The following CACNA2D3 variants were observed in gnomAD, a reference collection of about 807,000 sequenced individuals.
CACNA2D3 encodes voltage-dependent calcium channel subunit alpha-2/delta-3.
In CACNA2D3, 60 loss-of-function variants were observed where a neutral mutation model predicts 160.6. The observed-to-expected ratio is 0.37, with a 90% CI of 0.30 to 0.46. CACNA2D3 has a LOEUF of 0.46. CACNA2D3 is among the 20% of genes least tolerant of loss of function. The pLI, the probability that CACNA2D3 is intolerant of heterozygous loss-of-function variation, is 1.00. For synonymous variants in CACNA2D3, 558 were observed against 492.9 expected (o/e 1.13, Z -1.75); for missense variants, 1,205 against 1,365.0 (o/e 0.88, Z 1.85).
intron 9 of CACNA2D3, among the ~76,000 whole-genome samples, chr3:54,598,053 G>T (rs538368480): frequency 6.6e-6 from 1 of 151,808 alleles, no homozygotes; most frequent in Admixed American, 6.6e-5. Flanking sequence ...ACTTTGGGAA[G>T]CCCAGGTGGG....
intron 3 of CACNA2D3, among the ~76,000 whole-genome samples, chr3:54,321,048 G>A (rs1237075189): frequency 1.3e-5 from 2 of 152,162 alleles, no homozygotes; most frequent in African/African-American, 2.4e-5. Flanking sequence ...GGCCGGGCGC[G>A]GTGGCTCATG....
In CACNA2D3 at chr3:54,845,440, G is replaced by T. The variant is rs926519061; in HGVS notation, c.1552-953G>T. Among the ~76,000 whole-genome samples the T allele has an allele frequency of 2.6e-5, 4 of 152,244 alleles. No individual in the cohort carries two copies. The South Asian group carries it at 8.3e-4, about 32-fold the overall frequency. On this transcript the variant is annotated intron_variant, in intron 16 of 37. Transcript: ENST00000474759. Reference sequence around the variant, plus strand: ...AACTCCTCAGGAAAAAAAAATAGAGGATTTCTTTTTTCTTCTCCCCTTTCA... The same window carrying T: ...AACTCCTCAGGAAAAAAAAATAGAGTATTTCTTTTTTCTTCTCCCCTTTCA...
intron 8 of CACNA2D3, among the ~76,000 whole-genome samples, chr3:54,576,658 G>A (rs1234368832): frequency 6.6e-6 from 1 of 152,182 alleles, no homozygotes; most frequent in Admixed American, 6.5e-5. Flanking sequence ...AATACCTGAG[G>A]AAGATTGTGG....
At chr3:54,930,196 C>T (rs1268962482) in intron 27 of CACNA2D3, among the ~76,000 whole-genome samples, 1 of 152,132 alleles carries the variant, frequency 6.6e-6, no homozygotes, top group Non-Finnish European at 1.5e-5. Context: ...CTGGTTATCC[C>T]ATCCTCTGGC....
intron 5 of CACNA2D3, among the ~76,000 whole-genome samples, chr3:54,551,323 G>A (rs1702153852): frequency 6.6e-6 from 1 of 152,174 alleles, no homozygotes; most frequent in Non-Finnish European, 1.5e-5. Flanking sequence ...CCAAATCCTA[G>A]CAGGTGCCTG....
chr3:54,683,215 A>T (rs1358958904), intron 11 of CACNA2D3, among the ~76,000 whole-genome samples: 6 of 152,212 alleles, frequency 3.9e-5, no homozygotes, highest in Non-Finnish European at 7.3e-5. Context: ...TGCAGCCTCA[A>T]GTTACTAGGA....
At chr3:54,705,768 C>A (rs1256586746) in intron 11 of CACNA2D3, among the ~76,000 whole-genome samples, 1 of 152,182 alleles carries the variant, frequency 6.6e-6, no homozygotes, top group East Asian at 1.9e-4. Flanking sequence ...TAAGTTGCTT[C>A]AAATAATGTG....
intron 13 of CACNA2D3, among the ~76,000 whole-genome samples, chr3:54,808,276 G>A (rs959563807): frequency 6.6e-6 from 1 of 152,102 alleles, no homozygotes; most frequent in Non-Finnish European, 1.5e-5. Context: ...AGCTTATACT[G>A]AGCTGAAAGC....
At chr3:54,543,773 T>A (rs1309193795) in intron 5 of CACNA2D3, among the ~76,000 whole-genome samples, 1 of 152,254 alleles carries the variant, frequency 6.6e-6, no homozygotes, top group Admixed American at 6.5e-5. Flanking sequence ...CTTGTCTTTC[T>A]CTTTGGCACA....
Position 54,846,395 on chromosome 3 carries a change from A to G in CACNA2D3, c.1554A>G (p.Leu518=). The G allele has an allele frequency of 1.2e-6, 2 of 1,601,052 alleles. No individual in the cohort carries two copies. The highest frequency in any genetic ancestry group is 1.7e-6 in the Non-Finnish European group (2 of 1,171,934). The change falls in exon 17 of 38, where the codon TTA becomes TTG. Residue 518 remains leucine, a splice_region_variant and synonymous_variant. Transcript: ENST00000474759. The part of the protein sequence containing the change: ...ELLKTIPKYK[L]GIHGYAFAIT... ...TTCTTTCTTGCTTCCTCTTACAGTT[A>G]GGGATTCACGGTTATGCCTTTGCAA... is the stretch of plus-strand genomic sequence containing the variant.
chr3:54,439,647 TACC>T (rs1034800746), intron 4 of CACNA2D3, among the ~76,000 whole-genome samples: 56 of 152,248 alleles, frequency 3.7e-4, no homozygotes, highest in African/African-American at 1.3e-3. Context: ...TTCGTGGTGC[TACC>T]ACGCCTGGTT....
intron 5 of CACNA2D3, among the ~76,000 whole-genome samples, chr3:54,530,296 G>A (rs1393432245): frequency 6.6e-6 from 1 of 152,148 alleles, no homozygotes; most frequent in African/African-American, 2.4e-5. Flanking sequence ...AGCTCTCCTG[G>A]CCCGGCACTT....
At position 54,981,692 on chromosome 3, in the gene CACNA2D3, G is replaced by A. The variant is rs984039151; in HGVS notation, c.2557-2916G>A. ...GGACCACAGCCCTGGGAGCCAAGCC[G>A]CAACACAAAGGAAAATGATTTTCCA... is the stretch of plus-strand genomic sequence containing the variant. On this transcript the variant is annotated intron_variant, in intron 29 of 37. Coordinates refer to ENST00000474759, the MANE Select transcript of CACNA2D3 (RefSeq NM_018398.3). 3.9e-5 allele frequency among the ~76,000 whole-genome samples: 6 copies of A among 152,164 alleles called. No individual in the cohort carries two copies. In the East Asian group the frequency reaches 5.8e-4, roughly 15 times the overall value.
At chr3:54,157,605 C>A (rs1324038128) in intron 2 of CACNA2D3, among the ~76,000 whole-genome samples, 1 of 152,122 alleles carries the variant, frequency 6.6e-6, no homozygotes, top group Non-Finnish European at 1.5e-5. Flanking sequence ...GCCTGACCAA[C>A]ATGGAGAATC....
At chr3:54,552,107 A>G (rs1348816270) in intron 5 of CACNA2D3, among the ~76,000 whole-genome samples, 1 of 152,122 alleles carries the variant, frequency 6.6e-6, no homozygotes, top group Non-Finnish European at 1.5e-5. Flanking sequence ...CTCTACCAGC[A>G]TACCTCAAGT....
chr3:54,216,027 C>A (rs1701456656), intron 2 of CACNA2D3, among the ~76,000 whole-genome samples: 1 of 151,982 alleles, frequency 6.6e-6, no homozygotes, highest in Non-Finnish European at 1.5e-5. Flanking sequence ...CTGTGTTGGT[C>A]CCCCGAATTA....
intron 4 of CACNA2D3, among the ~76,000 whole-genome samples, chr3:54,421,722 G>T (rs190654982): frequency 6.6e-6 from 1 of 152,120 alleles, no homozygotes; most frequent in East Asian, 1.9e-4. Flanking sequence ...GCATGTTGAC[G>T]ATAAGAATTT....
intron 5 of CACNA2D3, among the ~76,000 whole-genome samples, chr3:54,524,124 A>T (rs1701688886): frequency 6.6e-6 from 1 of 151,746 alleles, no homozygotes; most frequent in Non-Finnish European, 1.5e-5. Flanking sequence ...TTCTTTCTTA[A>T]TAGAGGCATT....
intron 11 of CACNA2D3, among the ~76,000 whole-genome samples, chr3:54,643,792 G>GC (rs1477533884): frequency 6.6e-6 from 1 of 152,214 alleles, no homozygotes; most frequent in Non-Finnish European, 1.5e-5. Context: ...GCACAGCCCT[G>GC]CCAGGTGGCT....
Sources: allele counts gnomAD v4.1 joint callset (sites outside exome capture counted in the v4.1 genomes callset), GRCh38; gene constraint gnomAD v4.1.1; transcripts MANE v1.5; gene names NCBI Gene and HGNC (gene_info 2026-07-23, HGNC 2026-07-21).